Variants in LRRK2 observed in about 807,000 individuals in gnomAD.
LRRK2 encodes the protein leucine rich repeat kinase 2, also known as leucine-rich repeat serine/threonine-protein kinase 2.
LRRK2 carries 203 observed loss-of-function variants against 302.6 expected under a neutral mutation model. The ratio of observed to expected loss-of-function variants is 0.67; its 90% CI spans 0.60 to 0.75. The LOEUF is 0.75. Among genes scored for constraint, LRRK2 ranks in the 30% least tolerant of loss-of-function variants. LRRK2 has a pLI of 0.00. For missense variants in LRRK2, 2,830 were observed against 2,951.0 expected (o/e 0.96, Z 0.95); for synonymous variants, 1,066 against 1,031.9 (o/e 1.03, Z -0.63).
At chr12:40,313,891 T>C in intron 31 of LRRK2, 81 bp from the exon 32 acceptor site, 1 of 1,080,184 alleles carries the variant, frequency 9.3e-7, no homozygotes, top group Non-Finnish European at 1.4e-6. Context: ...CTGTAAAAAC[T>C]GTTAGCACTG....
chr12:40,246,302 G>T (rs1941978454), intron 7 of LRRK2, among the ~76,000 whole-genome samples: 1 of 151,490 alleles, frequency 6.6e-6, no homozygotes, highest in South Asian at 2.1e-4. Context: ...TACATCTACA[G>T]GTTTTCTAAT....
chr12:40,277,843 T>C (rs1943524720), intron 16 of LRRK2, 45 bp from the exon 17 acceptor site: 1 of 1,491,530 alleles, frequency 6.7e-7, no homozygotes, highest in South Asian at 1.2e-5. Flanking sequence ...TTATTCATTT[T>C]GCCTGTAATT....
intron 2 of LRRK2, among the ~76,000 whole-genome samples, chr12:40,227,013 G>A (rs1491941): frequency 0.62 from 94,644 of 151,772 alleles, 29,813 homozygotes; most frequent in South Asian, 0.79. Context: ...TGACAACCCA[G>A]GGGAGCCTGG....
rs199497505 is a variant in LRRK2 at position 40,305,848 on chromosome 12, C to T, written c.3841C>T (p.Leu1281=). Residue 1281 remains leucine, a synonymous_variant, in exon 28 of 51, where the codon CTA becomes TTA. Transcript: ENST00000298910. ...TSLDVSYNLE[L]RSFPNEMGKL... is the part of the protein sequence containing the mutation. ...TCTGGATGTCAGTTACAACTTGGAA[C>T]TAAGATCCTTTCCCAATGAAATGGG... The T allele has an allele frequency of 1.2e-6, 2 of 1,613,634 alleles. No individual in the cohort carries two copies. The highest frequency in any genetic ancestry group is 1.7e-6 in the Non-Finnish European group (2 of 1,179,738).
At chr12:40,257,412 C>A in intron 12 of LRRK2, 35 bp downstream of exon 12, 1 of 1,588,990 alleles carries the variant, frequency 6.3e-7, no homozygotes, top group South Asian at 1.1e-5. Context: ...CAGAATATAT[C>A]ATATTGGGCC....
chr12:40,342,823 A>G (rs1277225759), intron 41 of LRRK2, among the ~76,000 whole-genome samples: 1 of 152,168 alleles, frequency 6.6e-6, no homozygotes, highest in East Asian at 1.9e-4. Flanking sequence ...GTGTATTTTT[A>G]TACTAACTCT....
rs747016645 is a variant in LRRK2 at position 40,278,087 on chromosome 12, T to C, written c.2071-4T>C. On this transcript the variant is annotated splice_polypyrimidine_tract_variant and splice_region_variant and intron_variant, in intron 17 of 50. Coordinates refer to ENST00000298910, the MANE Select transcript of LRRK2 (RefSeq NM_198578.4). ...ACTCTAATTCTCATTTCCACTCTTT[T>C]TAGTTTCTAAACCTCTGTTGCAAGT... The C allele has an allele frequency of 6.2e-7, 1 of 1,614,028 alleles. No homozygotes were observed. Among genetic ancestry groups the C allele is most frequent in the South Asian group, 1.1e-5 (1 of 91,080 alleles).
intron 20 of LRRK2, among the ~76,000 whole-genome samples, chr12:40,292,959 T>C (rs1043336115): frequency 2.6e-5 from 4 of 152,050 alleles, no homozygotes; most frequent in African/African-American, 9.7e-5. Context: ...AAACATGAAA[T>C]TCAAATAGAA....
At chr12:40,265,904 C>T (rs17490865) in intron 14 of LRRK2, among the ~76,000 whole-genome samples, 7 of 152,132 alleles carry the variant, frequency 4.6e-5, no homozygotes, top group Non-Finnish European at 8.8e-5. Flanking sequence ...AATGGGGAAA[C>T]GATTCCCTAT....
At position 40,298,300 on chromosome 12, in the gene LRRK2, T is replaced by C. The variant is rs1944460237; in HGVS notation, c.3154T>C (p.Ser1052Pro). 1 of 1,613,628 alleles carries C rather than the reference T, an allele frequency of 6.2e-7. No homozygotes were observed. The highest frequency in any genetic ancestry group is 2.2e-5 in the East Asian group (1 of 44,852). ...LHSNKFTSFP[S>P]YLLKMSCIAN... ...CAGTAATAAATTTACATCATTTCCTTCTTATTTGTTGAAAATGAGTTGTAT... is the reference window on the plus strand; with the variant it reads ...CAGTAATAAATTTACATCATTTCCTCCTTATTTGTTGAAAATGAGTTGTAT... The change falls in exon 24 of 51, where the codon TCT (serine) becomes CCT (proline). Residue 1052 changes from serine (S) to proline (P), a missense_variant. Physicochemically the swap from Ser to Pro is moderately conservative, Grantham distance 74. Coordinates refer to ENST00000298910, the MANE Select transcript of LRRK2 (RefSeq NM_198578.4).
Position 40,285,451 on chromosome 12 carries a change from AGC to A in LRRK2, c.2500+1319_2500+1320del, listed in dbSNP as rs562489131. ...AATTGTGTAATACATTATGTTGATA[AGC>A]ATGTGTGGAAACATGCTTCATATAT... is the stretch of plus-strand genomic sequence containing the variant. On this transcript the variant is annotated intron_variant, in intron 19 of 50. Transcript: ENST00000298910. Among the ~76,000 whole-genome samples, 93 of 152,152 alleles carry A rather than the reference AGC, an allele frequency of 6.1e-4. No homozygotes were observed. In the South Asian group the frequency reaches 0.018, roughly 29 times the overall value.
chr12:40,334,971 T>C lies in LRRK2; in HGVS notation c.5762T>C (p.Leu1921Pro), dbSNP rs1945825289. Residue 1921 changes from leucine to proline, a missense_variant, in exon 40 of 51, where the codon CTT becomes CCT. By Grantham distance (98) the Leu-to-Pro change is moderately conservative (BLOSUM62 -3). Transcript: ENST00000298910. ...HTSLRLLRQE[L>P]VVLCHLHHPS... ...CATGATTTTGGACTTTTGCAGGAGC[T>C]TGTGGTGCTTTGCCACCTCCACCAC... 1 of 1,613,780 alleles carries C rather than the reference T, an allele frequency of 6.2e-7. No individual in the cohort carries two copies. Among genetic ancestry groups the C allele is most frequent in the Non-Finnish European group, 8.5e-7 (1 of 1,179,950 alleles).
At chr12:40,299,973 A>G (rs1944561922) in intron 25 of LRRK2, among the ~76,000 whole-genome samples, 4 of 152,138 alleles carry the variant, frequency 2.6e-5, no homozygotes, top group African/African-American at 9.7e-5. Context: ...TTAAAATGAT[A>G]GTTACTTGGC....
At position 40,250,268 on chromosome 12, in the gene LRRK2, G is replaced by A. The variant is rs12321951; in HGVS notation, c.958+323G>A. ...GAACTTTGGGAGGCCGAGGCGGGTGGATCACAAGGTCAGGAGTTCGAGACC... is the reference window on the plus strand; with the variant it reads ...GAACTTTGGGAGGCCGAGGCGGGTGAATCACAAGGTCAGGAGTTCGAGACC... On this transcript the variant is annotated intron_variant, in intron 8 of 50. Transcript: ENST00000298910. Among the ~76,000 whole-genome samples the A allele has an allele frequency of 0.013, 2,027 of 152,114 alleles. 37 individuals are homozygous for A. The highest frequency in any genetic ancestry group is 0.046 in the African/African-American group (1,929 of 41,518).
At chr12:40,356,243 A>G (rs1946534316) in intron 46 of LRRK2, 56 bp downstream of exon 46, 1 of 1,229,798 alleles carries the variant, frequency 8.1e-7, no homozygotes, top group Admixed American at 2.0e-5. Context: ...TGTTTTATAT[A>G]TATCTCACAC....
chr12:40,253,453 A>T (rs1942369035), intron 11 of LRRK2, among the ~76,000 whole-genome samples: 2 of 152,272 alleles, frequency 1.3e-5, no homozygotes, highest in South Asian at 4.1e-4. Flanking sequence ...TACCATGATC[A>T]TGGCTCACTA....
At chr12:40,274,559 C>T in intron 14 of LRRK2, 24 bp from the exon 15 acceptor site, 1 of 1,612,010 alleles carries the variant, frequency 6.2e-7, no homozygotes, top group Non-Finnish European at 8.5e-7. Flanking sequence ...TCATTTTTAA[C>T]AGCGAGTATT....
At chr12:40,357,491 A>G (rs1327569799) in intron 46 of LRRK2, among the ~76,000 whole-genome samples, 3 of 152,084 alleles carry the variant, frequency 2.0e-5, no homozygotes, top group African/African-American at 7.2e-5. Context: ...TGGTAGTTCT[A>G]TTTTTAATTT....
intron 40 of LRRK2, among the ~76,000 whole-genome samples, chr12:40,337,982 T>C (rs1945924068): frequency 6.6e-6 from 1 of 152,236 alleles, no homozygotes; most frequent in Admixed American, 6.5e-5. Context: ...ACTATGAAGC[T>C]CAAGTGTGTC....
Sources: gnomAD v4.1 joint callset for allele counts (sites outside exome capture counted in the v4.1 genomes callset) on GRCh38, gnomAD v4.1.1 for gene constraint, MANE v1.5 for transcripts, NCBI Gene and HGNC (gene_info 2026-07-23, HGNC 2026-07-21) for gene names.